Variants in CSF1R observed in about 807,000 individuals in gnomAD.
CSF1R encodes the protein colony stimulating factor 1 receptor.
CSF1R carries 40 observed loss-of-function variants against 110.0 expected under a neutral mutation model. The ratio of observed to expected loss-of-function variants is 0.36; its 90% CI spans 0.28 to 0.47. The LOEUF (loss-of-function observed/expected upper bound fraction) is 0.47. Ranked by LOEUF, CSF1R falls within the 20% of genes least tolerant of loss-of-function variation. The pLI is 0.99. For synonymous variants in CSF1R, 523 were observed against 503.4 expected, an observed-to-expected ratio of 1.04 and a Z score of -0.52; for missense variants, 1,052 against 1,253.0, an observed-to-expected ratio of 0.84 and a Z score of 2.42.
At chr5:150,074,826 C>CG (rs1238800714) in intron 5 of CSF1R, among the ~76,000 whole-genome samples, 2 of 148,366 alleles carry the variant, frequency 1.3e-5, no homozygotes, top group Non-Finnish European at 2.9e-5. Context: ...ATCCAGCCAC[C>CG]TCCCCTCTTC....
rs541829678 is a variant in CSF1R at position 150,070,014 on chromosome 5, C to G, written c.1369G>C (p.Val457Leu). The change falls in exon 9 of 21, where the codon GTC (valine) becomes CTC (leucine). Residue 457 changes from valine (V) to leucine (L), a missense_variant. Transcript: ENST00000675795. ...LQVWDDPYPE[V>L]LSQEPFHKVT... ...TTGTGGAAGGGCTCCTGGCTCAGGA[C>G]CTCAGGGTATGGGTCATCCCAGACC... 1 of 1,614,130 alleles carries G rather than the reference C, an allele frequency of 6.2e-7. No individual in the cohort carries two copies. Among genetic ancestry groups the G allele is most frequent in the East Asian group, 2.2e-5 (1 of 44,876 alleles).
intron 1 of CSF1R, among the ~76,000 whole-genome samples, chr5:150,110,244 CA>C (rs1367384082): frequency 1.3e-5 from 2 of 152,132 alleles, no homozygotes; most frequent in Admixed American, 6.5e-5. Context: ...CTATGCGGTC[CA>C]ACCCTAGCCA....
At chr5:150,085,291 A>AAAAAAAAAG (rs1211659122) in intron 1 of CSF1R, among the ~76,000 whole-genome samples, 7 of 150,542 alleles carry the variant, frequency 4.6e-5, no homozygotes, top group African/African-American at 1.7e-4. Flanking sequence ...AAAAAAAAAA[A>AAAAAAAAAG]AACCCAAATA....
chr5:150,070,136 C>T (rs1478475783), intron 8 of CSF1R, 46 bp downstream of exon 8: 25 of 1,609,170 alleles, frequency 1.6e-5, no homozygotes, highest in Non-Finnish European at 2.1e-5. Context: ...TCACAGGGTG[C>T]CCAGCCCCTG....
At chr5:150,112,714 G>A (rs2113875042) in intron 1 of CSF1R, among the ~76,000 whole-genome samples, 1 of 152,320 alleles carries the variant, frequency 6.6e-6, no homozygotes, top group South Asian at 2.1e-4. Context: ...GGCTTTGTAT[G>A]GCCAGGCCTT....
chr5:150,106,209 A>G (rs6865659), intron 1 of CSF1R, among the ~76,000 whole-genome samples: 44,876 of 152,158 alleles, frequency 0.29, 6,747 homozygotes, highest in East Asian at 0.4. Flanking sequence ...GTGACAAACA[A>G]GAATCCCAGA....
intron 1 of CSF1R, among the ~76,000 whole-genome samples, chr5:150,107,206 C>T (rs568817965): frequency 6.6e-6 from 1 of 152,348 alleles, no homozygotes; most frequent in East Asian, 1.9e-4. Flanking sequence ...CCAGGAAGGC[C>T]AAGGCTCAGA....
rs527389673 is a variant in CSF1R, at chr5:150,094,395, C to T, written c.-180-7788G>A. 190 of 1,599,442 alleles carry T rather than the reference C, an allele frequency of 1.2e-4. No homozygotes were observed. In the South Asian group the frequency reaches 1.3e-3, roughly 11 times the overall value. On this transcript the variant is annotated intron_variant, in intron 1 of 21. Coordinates refer to the CSF1R transcript ENST00000286301. ...GAATTTCGCAGAGCTGAAGATGAAG[C>T]GCCTGAGAAAGAAGTTTGCCCAAAA...
intron 10 of CSF1R, among the ~76,000 whole-genome samples, chr5:150,062,361 C>T (rs1448396267): frequency 1.4e-5 from 2 of 146,586 alleles, no homozygotes; most frequent in African/African-American, 5.0e-5. Flanking sequence ...CTTGTGCAAC[C>T]AGTTTCCAGA....
intron 1 of CSF1R, among the ~76,000 whole-genome samples, chr5:150,092,423 G>C (rs1759074082): frequency 6.7e-6 from 1 of 148,702 alleles, no homozygotes; most frequent in African/African-American, 2.5e-5. Flanking sequence ...ACTAAACCCT[G>C]TATATGCCAT....
intron 1 of CSF1R, among the ~76,000 whole-genome samples, chr5:150,095,515 A>T (rs1759193906): frequency 6.6e-6 from 1 of 152,208 alleles, no homozygotes; most frequent in Admixed American, 6.5e-5. Flanking sequence ...ACACTTATAA[A>T]CAACCCAAGA....
At chr5:150,100,838 T>C (rs1759382053) in intron 1 of CSF1R, among the ~76,000 whole-genome samples, 1 of 152,028 alleles carries the variant, frequency 6.6e-6, no homozygotes, top group East Asian at 1.9e-4. Flanking sequence ...AATAATAGAA[T>C]AGTAAAAAGT....
chr5:150,097,505 G>A (rs1173569382), intron 1 of CSF1R, among the ~76,000 whole-genome samples: 1 of 152,158 alleles, frequency 6.6e-6, no homozygotes, highest in Non-Finnish European at 1.5e-5. Context: ...TCTGTTTGGA[G>A]ATGAAATGAT....
At chr5:150,055,789 A>G (rs1367034493) in intron 18 of CSF1R, among the ~76,000 whole-genome samples, 1 of 152,270 alleles carries the variant, frequency 6.6e-6, no homozygotes, top group Admixed American at 6.5e-5. Context: ...GGAGGGTAAC[A>G]GGTAACAGCA....
intron 14 of CSF1R, chr5:150,058,243 G>A (rs1027414721): frequency 8.8e-6 from 4 of 456,296 alleles, no homozygotes; most frequent in Admixed American, 7.0e-5. Context: ...GCCTGAGGTG[G>A]TGCACTTCCA....
At chr5:150,068,615 C>T (rs1308329773) in intron 9 of CSF1R, among the ~76,000 whole-genome samples, 1 of 152,210 alleles carries the variant, frequency 6.6e-6, no homozygotes, top group Non-Finnish European at 1.5e-5. Flanking sequence ...CAGTCTCACC[C>T]TCTGCCAGTG....
At chr5:150,055,877 G>A (rs938571421) in intron 18 of CSF1R, 149 bp downstream of exon 18, 1 of 672,016 alleles carries the variant, frequency 1.5e-6, no homozygotes, top group African/African-American at 1.8e-5. Context: ...TCCCGCAGGA[G>A]CCACGATGCT....
chr5:150,100,209 T>C (rs1282147430), intron 1 of CSF1R, among the ~76,000 whole-genome samples: 1 of 150,394 alleles, frequency 6.6e-6, no homozygotes, highest in East Asian at 2.0e-4. Flanking sequence ...ATGGATCATA[T>C]GGACACTTGA....
chr5:150,070,107 G>T (rs775158404), intron 8 of CSF1R, 44 bp from the exon 9 acceptor site: 3 of 1,609,002 alleles, frequency 1.9e-6, no homozygotes, highest in Non-Finnish European at 2.5e-6. Flanking sequence ...GGTTCCCAGC[G>T]CCAGCATGTC....
Sources: gnomAD v4.1 joint callset for allele counts (sites outside exome capture counted in the v4.1 genomes callset) on GRCh38, gnomAD v4.1.1 for gene constraint, MANE v1.5 for transcripts, NCBI Gene and HGNC (gene_info 2026-07-23, HGNC 2026-07-21) for gene names.